IPO11: variants seen among roughly 807,000 people sequenced by gnomAD.
IPO11 encodes the protein importin-11.
IPO11 carries 66 observed loss-of-function variants against 143.2 expected under a neutral mutation model. The observed-to-expected ratio is 0.46, with a 90% CI of 0.38 to 0.57. The LOEUF (loss-of-function observed/expected upper bound fraction) is 0.57. IPO11 is among the 20% of genes least tolerant of loss of function. IPO11 has a pLI of 0.00. For synonymous variants in IPO11, 385 were observed against 377.8 expected, an observed-to-expected ratio of 1.02 and a Z score of -0.22; for missense variants, 1,026 against 1,141.0, an observed-to-expected ratio of 0.90 and a Z score of 1.45.
At chr5:62,449,906 A>C (rs774050229) in intron 3 of IPO11, 21 bp from the exon 4 acceptor site, 3 of 1,434,756 alleles carry the variant, frequency 2.1e-6, no homozygotes, top group Non-Finnish European at 2.8e-6. Context: ...TTGCATAATC[A>C]ATACTTTTTT....
intron 19 of IPO11, among the ~76,000 whole-genome samples, chr5:62,513,414 A>ACCG (rs1554052718): frequency 2.0e-5 from 1 of 51,020 alleles, no homozygotes; most frequent in Non-Finnish European, 4.1e-5. Context: ...GGGGGCGCTG[A>ACCG]CCCCCCCCCC....
intron 2 of IPO11, among the ~76,000 whole-genome samples, chr5:62,441,455 C>T (rs1744472099): frequency 6.8e-6 from 1 of 146,846 alleles, no homozygotes. Flanking sequence ...CCTCGGCCTC[C>T]CAAAGTGCTG....
At chr5:62,542,546 A>G (rs1037346196) in intron 24 of IPO11, among the ~76,000 whole-genome samples, 5 of 152,054 alleles carry the variant, frequency 3.3e-5, no homozygotes, top group African/African-American at 4.8e-5. Context: ...TTTTAAATAT[A>G]TTTTTTACTA....
At position 62,432,220 on chromosome 5, in the gene IPO11, G is replaced by T. The variant is rs531922092; in HGVS notation, c.-6-5054G>T. ...TTATTTATCCTGGTGTGGTACCTCT[G>T]CTCTTTGAGCAAGCTGTTGTGGACG... On this transcript the variant is annotated intron_variant, in intron 1 of 29. Coordinates refer to ENST00000325324, the MANE Select transcript of IPO11 (RefSeq NM_016338.5). Among the ~76,000 whole-genome samples, 3 of 152,152 alleles carry T rather than the reference G, an allele frequency of 2.0e-5. No individual in the cohort carries two copies. The South Asian group carries it at 6.2e-4, about 31-fold the overall frequency.
At chr5:62,568,593 A>AAAAAAAAAAAATTC (rs1199624803) in intron 27 of IPO11, among the ~76,000 whole-genome samples, 3 of 150,872 alleles carry the variant, frequency 2.0e-5, no homozygotes, top group African/African-American at 7.3e-5. Context: ...AAAAAAAAAA[A>AAAAAAAAAAAATTC]AAAATTCAAT....
At chr5:62,614,815 C>T (rs1218279181) in intron 29 of IPO11, among the ~76,000 whole-genome samples, 1 of 152,068 alleles carries the variant, frequency 6.6e-6, no homozygotes, top group Non-Finnish European at 1.5e-5. Flanking sequence ...TGTCTGGCAT[C>T]CAGGAAGAAT....
At chr5:62,492,753 G>A (rs1032461379) in intron 15 of IPO11, among the ~76,000 whole-genome samples, 1 of 152,002 alleles carries the variant, frequency 6.6e-6, no homozygotes, top group African/African-American at 2.4e-5. Context: ...GGCCAGGCTG[G>A]TCTCAAACTC....
intron 27 of IPO11, among the ~76,000 whole-genome samples, chr5:62,585,147 T>C (rs1414340713): frequency 1.3e-5 from 2 of 152,188 alleles, no homozygotes; most frequent in Non-Finnish European, 2.9e-5. Flanking sequence ...TGGGCAACCT[T>C]ATTGCTTTTT....
intron 2 of IPO11, among the ~76,000 whole-genome samples, chr5:62,440,271 A>C (rs1744421033): frequency 6.6e-6 from 1 of 152,142 alleles, no homozygotes; most frequent in Non-Finnish European, 1.5e-5. Context: ...TGAGTTACAC[A>C]ACTATATTTG....
Position 62,441,704 on chromosome 5 carries a change from TG to T in IPO11, c.139-1275del, listed in dbSNP as rs1328958408. 2.7e-5 allele frequency among the ~76,000 whole-genome samples: 4 copies of T among 150,404 alleles called. No homozygotes were observed. In the East Asian group the frequency reaches 7.8e-4, roughly 30 times the overall value. ...TAATTTTTTGTATTTTTAGTAGAGA[TG>T]GGGTTTCATCATGTTGGCCAGGCTG... On this transcript the variant is annotated intron_variant, in intron 2 of 29. Coordinates refer to ENST00000325324, the MANE Select transcript of IPO11 (RefSeq NM_016338.5).
intron 5 of IPO11, among the ~76,000 whole-genome samples, chr5:62,463,078 C>G (rs1374955939): frequency 6.6e-6 from 1 of 151,984 alleles, no homozygotes; most frequent in African/African-American, 2.4e-5. Flanking sequence ...GTGTCTCACT[C>G]TTGTCCTGGC....
chr5:62,615,490 A>T (rs993234524), intron 29 of IPO11, among the ~76,000 whole-genome samples: 1 of 152,228 alleles, frequency 6.6e-6, no homozygotes, highest in African/African-American at 2.4e-5. Flanking sequence ...AGGGCCTTGT[A>T]TGCCATAAGT....
intron 1 of IPO11, among the ~76,000 whole-genome samples, chr5:62,430,427 C>A (rs1303343437): frequency 6.6e-6 from 1 of 152,022 alleles, no homozygotes. Context: ...CTCAAGCAGT[C>A]CTCTCACCTC....
intron 24 of IPO11, among the ~76,000 whole-genome samples, chr5:62,546,458 G>A (rs563564162): frequency 6.6e-6 from 1 of 152,246 alleles, no homozygotes; most frequent in East Asian, 1.9e-4. Context: ...TAGGGTTGGG[G>A]GAGTGGGGAG....
chr5:62,426,429 T>C (rs1580162873), intron 1 of IPO11, among the ~76,000 whole-genome samples: 2 of 152,304 alleles, frequency 1.3e-5, no homozygotes, highest in East Asian at 1.9e-4. Context: ...CTACTTGTGC[T>C]ACTGAAGACT....
intron 29 of IPO11, among the ~76,000 whole-genome samples, chr5:62,607,842 G>A (rs910276663): frequency 1.3e-5 from 2 of 148,696 alleles, no homozygotes; most frequent in Non-Finnish European, 3.0e-5. Flanking sequence ...CACCCAGGCT[G>A]GAGTGCAGTG....
rs182614373 is a variant in IPO11, at chr5:62,611,959, T to A, written c.2763+10111T>A. Among the ~76,000 whole-genome samples, 27 of 152,308 alleles carry A rather than the reference T, an allele frequency of 1.8e-4. No homozygotes were observed. The East Asian group carries it at 5.2e-3, about 29-fold the overall frequency. On this transcript the variant is annotated intron_variant, in intron 29 of 29. Coordinates refer to ENST00000325324, the MANE Select transcript of IPO11 (RefSeq NM_016338.5). ...ATTGTTCTGTATGTGGAAGTTGCCA[T>A]TTTGAAGAAATTGATTTTTCATTAT...
intron 3 of IPO11, among the ~76,000 whole-genome samples, chr5:62,444,862 A>G (rs1224959204): frequency 6.6e-6 from 1 of 151,746 alleles, no homozygotes; most frequent in Non-Finnish European, 1.5e-5. Context: ...CAGTGAGACT[A>G]TGTCTCAAAA....
At chr5:62,501,249 G>A (rs1741338530) in intron 16 of IPO11, among the ~76,000 whole-genome samples, 1 of 150,836 alleles carries the variant, frequency 6.6e-6, no homozygotes, top group African/African-American at 2.4e-5. Context: ...CCTATCCTTT[G>A]TATCTCAAAA....
Sources: allele counts gnomAD v4.1 joint callset (sites outside exome capture counted in the v4.1 genomes callset), GRCh38; gene constraint gnomAD v4.1.1; transcripts MANE v1.5; gene names NCBI Gene and HGNC (gene_info 2026-07-23, HGNC 2026-07-21).